The following ATP10B variants were observed in gnomAD, a reference collection of about 807,000 sequenced individuals.
ATP10B encodes ATPase phospholipid transporting 10B (putative), also known as phospholipid-transporting ATPase VB.
A neutral mutation model predicts 141.2 loss-of-function variants in ATP10B; 122 were observed. The ratio of observed to expected loss-of-function variants is 0.86; its 90% CI spans 0.75 to 1.00. The LOEUF (loss-of-function observed/expected upper bound fraction) is 1.00, where lower values mean the gene tolerates loss of function less well. ATP10B is among the 50% of genes least tolerant of loss of function. The probability of loss-of-function intolerance (pLI) is 0.00; values close to 1 mark genes in which losing one functional copy is unlikely to be tolerated. For synonymous variants in ATP10B, 685 were observed against 692.0 expected (o/e 0.99, Z 0.16); for missense variants, 1,876 against 1,825.3 (o/e 1.03, Z -0.51).
chr5:160,594,337 C>T (rs1486220110), intron 22 of ATP10B, among the ~76,000 whole-genome samples: 3 of 152,162 alleles, frequency 2.0e-5, no homozygotes, highest in African/African-American at 7.2e-5. Context: ...CAGACAAATG[C>T]TGAGAGATTT....
intron 1 of ATP10B, among the ~76,000 whole-genome samples, chr5:160,834,673 T>C (rs1276402794): frequency 1.3e-5 from 2 of 152,154 alleles, no homozygotes; most frequent in Admixed American, 6.6e-5. Flanking sequence ...ACAATACTTC[T>C]TTTGGTTCAC....
chr5:160,679,230 C>G (rs1054729426), intron 6 of ATP10B, among the ~76,000 whole-genome samples: 1 of 152,160 alleles, frequency 6.6e-6, no homozygotes, highest in African/African-American at 2.4e-5. Context: ...GCTAGGCCCT[C>G]GGTGCTACGC....
chr5:160,694,710 C>T (rs1295145430), intron 3 of ATP10B, among the ~76,000 whole-genome samples: 2 of 152,224 alleles, frequency 1.3e-5, no homozygotes, highest in Middle Eastern at 3.2e-3. Context: ...ATCAACTAGT[C>T]ATTCATTCAA....
At chr5:160,838,722 C>T (rs1203446109) in intron 1 of ATP10B, among the ~76,000 whole-genome samples, 3 of 152,066 alleles carry the variant, frequency 2.0e-5, no homozygotes, top group African/African-American at 4.8e-5. Context: ...GGGTTAGGGA[C>T]ATTTTTGATG....
At chr5:160,824,331 T>G (rs1561896083) in intron 1 of ATP10B, among the ~76,000 whole-genome samples, 1 of 152,136 alleles carries the variant, frequency 6.6e-6, no homozygotes, top group African/African-American at 2.4e-5. Context: ...TTTTTCATTT[T>G]TATAAAATTG....
At chr5:160,653,970 G>A (rs1761267862) in intron 7 of ATP10B, among the ~76,000 whole-genome samples, 5 of 136,752 alleles carry the variant, frequency 3.7e-5, no homozygotes, top group Admixed American at 7.5e-5. Flanking sequence ...TTGTATATAC[G>A]TATATACATA....
chr5:160,841,197 C>G (rs1281546563), intron 1 of ATP10B, among the ~76,000 whole-genome samples: 3 of 151,934 alleles, frequency 2.0e-5, no homozygotes, highest in African/African-American at 7.3e-5. Flanking sequence ...AAACTATAAC[C>G]CCATACATTC....
chr5:160,750,607 A>C (rs565250262), intron 2 of ATP10B, among the ~76,000 whole-genome samples: 13 of 151,852 alleles, frequency 8.6e-5, no homozygotes, highest in Admixed American at 3.3e-4. Context: ...CTCCACCATC[A>C]CTGTTTGGCT....
rs911062285 is a variant in ATP10B, at chr5:160,836,707, G to T, written c.-576+15234C>A. ...AGCAAGTTCAGGGTTTCATACATTT[G>T]GTCCCTCTGGTTCCTCTGACTCAAT... On this transcript the variant is annotated intron_variant, in intron 1 of 25. Coordinates refer to ENST00000327245, the MANE Select transcript of ATP10B (RefSeq NM_025153.3). Among the ~76,000 whole-genome samples, 8 of 151,966 alleles carry T rather than the reference G, an allele frequency of 5.3e-5. No homozygotes were observed. In the East Asian group the frequency reaches 5.8e-4, roughly 11 times the overall value.
intron 2 of ATP10B, among the ~76,000 whole-genome samples, chr5:160,785,224 T>C (rs904614007): frequency 6.6e-6 from 1 of 152,146 alleles, no homozygotes; most frequent in Non-Finnish European, 1.5e-5. Flanking sequence ...TTTTTCTTGT[T>C]ATTTACGCCA....
intron 2 of ATP10B, among the ~76,000 whole-genome samples, chr5:160,723,539 G>A (rs1378533184): frequency 6.6e-6 from 1 of 152,174 alleles, no homozygotes; most frequent in Admixed American, 6.5e-5. Context: ...GAGGCAGAGG[G>A]AGTAAGCATA....
chr5:160,755,911 G>A (rs1768568464), intron 2 of ATP10B, among the ~76,000 whole-genome samples: 1 of 132,732 alleles, frequency 7.5e-6, no homozygotes, highest in Non-Finnish European at 1.6e-5. Flanking sequence ...CATATATGTG[G>A]TCTGTCATGT....
chr5:160,794,214 C>A (rs1187591176), intron 1 of ATP10B, among the ~76,000 whole-genome samples: 1 of 152,128 alleles, frequency 6.6e-6, no homozygotes, highest in Non-Finnish European at 1.5e-5. Context: ...AATGTCGCTG[C>A]TTGTAAGGAT....
intron 1 of ATP10B, among the ~76,000 whole-genome samples, chr5:160,786,366 CAT>C (rs1771144926): frequency 6.6e-6 from 1 of 152,176 alleles, no homozygotes; most frequent in South Asian, 2.1e-4. Context: ...GTGAACTATA[CAT>C]ACCCTTCTCT....
At chr5:160,861,641 A>G in the ATP10B span, among the ~76,000 whole-genome samples, 1 of 151,870 alleles carries the variant, frequency 6.6e-6, no homozygotes, top group African/African-American at 2.4e-5. Context: ...ATTCATAATT[A>G]TTTATGCTGA....
At chr5:160,847,590 T>C (rs559676471) in intron 1 of ATP10B, among the ~76,000 whole-genome samples, 4 of 152,340 alleles carry the variant, frequency 2.6e-5, no homozygotes, top group African/African-American at 9.6e-5. Context: ...AGAAACACTG[T>C]CTTCTCTTTT....
the ATP10B span, among the ~76,000 whole-genome samples, chr5:160,880,042 T>A: frequency 6.6e-6 from 1 of 151,340 alleles, no homozygotes; most frequent in African/African-American, 2.4e-5. Flanking sequence ...ATAAATCTAA[T>A]ATAAATCTAA....
intron 2 of ATP10B, among the ~76,000 whole-genome samples, chr5:160,781,989 G>T (rs557362506): frequency 2.0e-5 from 3 of 152,060 alleles, no homozygotes; most frequent in Non-Finnish European, 4.4e-5. Context: ...AAATTGTATG[G>T]TTCTACATTT....
intron 2 of ATP10B, among the ~76,000 whole-genome samples, chr5:160,766,383 CAG>C (rs1769429630): frequency 7.7e-6 from 1 of 130,658 alleles, no homozygotes; most frequent in African/African-American, 2.9e-5. Context: ...CACACACACA[CAG>C]ACACTCACCA....
Sources: gnomAD v4.1 joint callset for allele counts (sites outside exome capture counted in the v4.1 genomes callset) on GRCh38, gnomAD v4.1.1 for gene constraint, MANE v1.5 for transcripts, NCBI Gene and HGNC (gene_info 2026-07-23, HGNC 2026-07-21) for gene names.